Variants in CDK15 observed in about 807,000 individuals in gnomAD.
CDK15 encodes cyclin dependent kinase 15.
In CDK15, 62 loss-of-function variants were observed where a neutral mutation model predicts 60.3. The ratio of observed to expected loss-of-function variants is 1.03; its 90% confidence interval spans 0.84 to 1.27. The LOEUF (loss-of-function observed/expected upper bound fraction) is 1.27, where lower values mean the gene tolerates loss of function less well. CDK15 is among the 50% of genes most tolerant of loss of function. The probability of loss-of-function intolerance (pLI) is 0.00; values close to 1 mark genes in which losing one functional copy is unlikely to be tolerated. For synonymous variants in CDK15, 194 were observed against 195.7 expected, an observed-to-expected ratio of 0.99 and a Z score of 0.07; for missense variants, 541 against 527.8, an observed-to-expected ratio of 1.03 and a Z score of -0.25.
intron 4 of CDK15, among the ~76,000 whole-genome samples, chr2:201,820,025 T>A (rs1279505464): frequency 6.6e-6 from 1 of 152,164 alleles, no homozygotes; most frequent in Non-Finnish European, 1.5e-5. Context: ...AATGAACAAA[T>A]CATGCCATCA....
At chr2:201,886,594 G>A (rs1033363683) in intron 12 of CDK15, among the ~76,000 whole-genome samples, 1 of 152,082 alleles carries the variant, frequency 6.6e-6, no homozygotes, top group African/African-American at 2.4e-5. Context: ...CAAAGTGCTG[G>A]GATTACAGGC....
chr2:201,862,312 T>C (rs762474448), intron 10 of CDK15, among the ~76,000 whole-genome samples: 27 of 152,194 alleles, frequency 1.8e-4, no homozygotes, highest in Non-Finnish European at 3.1e-4. Flanking sequence ...CACCCAAACA[T>C]GGTATAGTGG....
chr2:201,806,481 TG>T, upstream of CDK15: 2 of 490,022 alleles, frequency 4.1e-6, no homozygotes, highest in Non-Finnish European at 6.9e-6. Flanking sequence ...CTGTCTGATG[TG>T]GAGTTTCTTG....
intron 4 of CDK15, among the ~76,000 whole-genome samples, chr2:201,816,067 G>A (rs557241295): frequency 1.3e-5 from 2 of 152,258 alleles, no homozygotes; most frequent in Non-Finnish European, 2.9e-5. Context: ...AATAAAAATA[G>A]AAATCTGTTT....
intron 8 of CDK15, among the ~76,000 whole-genome samples, chr2:201,842,061 T>C (rs1043282728): frequency 2.0e-5 from 3 of 152,216 alleles, no homozygotes; most frequent in African/African-American, 7.2e-5. Flanking sequence ...ATTCACATTG[T>C]TGTGTAACCG....
chr2:201,826,831 T>C (rs1696530375), intron 6 of CDK15, among the ~76,000 whole-genome samples: 1 of 152,258 alleles, frequency 6.6e-6, no homozygotes, highest in East Asian at 1.9e-4. Flanking sequence ...TATATTTTTA[T>C]GTATGGATGT....
At chr2:201,890,948 G>A (rs918099813) in intron 13 of CDK15, 21 bp downstream of exon 13, 82 of 1,300,962 alleles carry the variant, frequency 6.3e-5, no homozygotes, top group Non-Finnish European at 8.8e-5. Context: ...GCAACAGTGA[G>A]GTTCCTTATG....
intron 3 of CDK15, among the ~76,000 whole-genome samples, chr2:201,811,544 G>A (rs1200426801): frequency 6.6e-6 from 1 of 152,192 alleles, no homozygotes; most frequent in Non-Finnish European, 1.5e-5. Flanking sequence ...CTAACAATAT[G>A]ATTTTAATCC....
intron 10 of CDK15, among the ~76,000 whole-genome samples, chr2:201,860,216 G>A (rs2105797340): frequency 6.6e-6 from 1 of 152,298 alleles, no homozygotes; most frequent in East Asian, 1.9e-4. Flanking sequence ...CAAAAGCGCT[G>A]AGTTTAAATC....
chr2:201,854,415 G>A (rs1698053439), intron 9 of CDK15, among the ~76,000 whole-genome samples: 1 of 152,142 alleles, frequency 6.6e-6, no homozygotes, highest in Non-Finnish European at 1.5e-5. Flanking sequence ...AGCACATCAG[G>A]GAACAGCTGA....
chr2:201,888,238 A>G (rs1355715133), intron 12 of CDK15, among the ~76,000 whole-genome samples: 1 of 152,170 alleles, frequency 6.6e-6, no homozygotes, highest in Non-Finnish European at 1.5e-5. Flanking sequence ...TAAAGGAAGG[A>G]AAGTTAAAGC....
chr2:201,877,656 C>T (rs1261333832), intron 11 of CDK15, among the ~76,000 whole-genome samples: 1 of 152,196 alleles, frequency 6.6e-6, no homozygotes, highest in Non-Finnish European at 1.5e-5. Context: ...AAAACCTCTG[C>T]CTGGACAGGA....
rs1425988434 is a variant in CDK15 at position 201,893,596 on chromosome 2, C to G, written c.*329C>G. ...TGGCATTTGTTAAGAGATTCCTGGG[C>G]TAGAAGGTTGATTTCCCAAAAAGAC... On this transcript the variant is annotated 3_prime_UTR_variant, in exon 14 of 14. Transcript: ENST00000652192. 1.3e-5 allele frequency: 2 copies of G among 152,046 alleles called. No homozygotes were observed. Among genetic ancestry groups the G allele is most frequent in the Non-Finnish European group, 2.9e-5 (2 of 67,980 alleles). 9.4% of individuals were successfully genotyped at this position (152,046 alleles called of 1,614,324 possible).
chr2:201,881,507 A>G (rs556940015), intron 12 of CDK15, among the ~76,000 whole-genome samples: 4 of 152,342 alleles, frequency 2.6e-5, no homozygotes, highest in Admixed American at 2.6e-4. Context: ...CCTCGCACAC[A>G]TATCAGCACA....
chr2:201,855,262 C>G (rs1415652413), intron 10 of CDK15, among the ~76,000 whole-genome samples: 1 of 152,100 alleles, frequency 6.6e-6, no homozygotes, highest in Non-Finnish European at 1.5e-5. Context: ...ACTTTTGGGC[C>G]CCCTGACTGT....
chr2:201,819,287 G>A (rs1696122144), intron 4 of CDK15, among the ~76,000 whole-genome samples: 1 of 152,160 alleles, frequency 6.6e-6, no homozygotes, highest in Non-Finnish European at 1.5e-5. Flanking sequence ...GAGAAGAGAG[G>A]ATTACAGGAA....
At chr2:201,817,236 T>C (rs982160289) in intron 4 of CDK15, among the ~76,000 whole-genome samples, 2 of 152,204 alleles carry the variant, frequency 1.3e-5, no homozygotes, top group African/African-American at 4.8e-5. Flanking sequence ...CTAATTAACA[T>C]TCCCACCCAC....
intron 8 of CDK15, among the ~76,000 whole-genome samples, chr2:201,840,375 G>A (rs1335362078): frequency 6.6e-6 from 1 of 152,088 alleles, no homozygotes. Flanking sequence ...CCAATGAAAG[G>A]TGTGTTGAAC....
intron 10 of CDK15, among the ~76,000 whole-genome samples, chr2:201,857,325 G>T (rs1698187960): frequency 1.3e-5 from 2 of 151,388 alleles, no homozygotes; most frequent in South Asian, 4.2e-4. Context: ...ACAATGTGCA[G>T]TTTTTCTATA....
Sources: allele counts gnomAD v4.1 joint callset (sites outside exome capture counted in the v4.1 genomes callset), GRCh38; gene constraint gnomAD v4.1.1; transcripts MANE v1.5; gene names NCBI Gene and HGNC (gene_info 2026-07-23, HGNC 2026-07-21).